The following TICRR variants were observed in gnomAD, a reference collection of about 807,000 sequenced individuals.
TICRR encodes TOPBP1 interacting checkpoint and replication regulator.
In TICRR, 132 loss-of-function variants were observed where a neutral mutation model predicts 178.1. The ratio of observed to expected loss-of-function variants is 0.74; its 90% CI spans 0.64 to 0.86. The LOEUF (loss-of-function observed/expected upper bound fraction) is 0.86, where lower values mean the gene tolerates loss of function less well. Ranked by LOEUF, TICRR falls within the 40% of genes least tolerant of loss-of-function variation. TICRR has a pLI of 0.00. For synonymous variants in TICRR, 991 were observed against 900.7 expected, an observed-to-expected ratio of 1.10 and a Z score of -1.79; for missense variants, 2,587 against 2,334.3, an observed-to-expected ratio of 1.11 and a Z score of -2.23.
chr15:89,600,659 A>C lies in TICRR; in HGVS notation c.2127A>C (p.Lys709Asn), dbSNP rs375906519. The C allele has an allele frequency of 5.7e-6, 9 of 1,587,022 alleles. No homozygotes were observed. The African/African-American group carries it at 1.2e-4, about 21-fold the overall frequency. The part of the protein sequence containing the change: ...SKSLRQNLGK[K>N]LDKEDKVREC... The stretch of plus-strand genomic sequence containing the variant: ...GTCTTCGACAGAATCTAGGAAAAAA[A>C]CTGGATAAGGAAGACAAAGTTAGAG... Residue 709 changes from lysine (K) to asparagine (N), a missense_variant, in exon 9 of 22, where the codon AAA becomes AAC. By Grantham distance (94) the Lys-to-Asn change is moderately conservative. Transcript: ENST00000268138.
rs899265974 is a variant in TICRR at position 89,582,535 on chromosome 15, C to T, written c.655-151C>T. The stretch of plus-strand genomic sequence containing the variant: ...GGGCTGCACAGTAGCTTGATGCTGA[C>T]CATTATTTCTATTTAGCTCAGCAAA... On this transcript the variant is annotated intron_variant, in intron 1 of 21. Transcript: ENST00000268138. 9 of 701,518 alleles carry T rather than the reference C, an allele frequency of 1.3e-5. No homozygotes were observed. The African/African-American group carries it at 1.6e-4, about 13-fold the overall frequency. 43.5% of individuals were successfully genotyped at this position (701,518 alleles called of 1,614,324 possible). A position where few individuals can be genotyped will look rare whatever the true frequency, so the allele number is the denominator to read the frequency against.
chr15:89,577,886 C>T (rs1962653676), intron 1 of TICRR, among the ~76,000 whole-genome samples: 2 of 151,744 alleles, frequency 1.3e-5, no homozygotes, highest in Admixed American at 1.3e-4. Flanking sequence ...GCTAGGATTA[C>T]AGGCATGAGC....
intron 21 of TICRR, 96 bp from the exon 22 acceptor site, chr15:89,626,860 T>G: frequency 7.4e-7 from 1 of 1,359,318 alleles, no homozygotes; most frequent in Non-Finnish European, 1.0e-6. Context: ...TTTCTTAAAG[T>G]CTGTTTTTGT....
chr15:89,577,092 C>T (rs1247723267), intron 1 of TICRR, among the ~76,000 whole-genome samples: 1 of 151,632 alleles, frequency 6.6e-6, no homozygotes, highest in Non-Finnish European at 1.5e-5. Context: ...GACCAGGTTC[C>T]ATGCTGCCCA....
intron 4 of TICRR, chr15:89,591,731 A>C (rs918699658): frequency 4.1e-4 from 67 of 164,890 alleles, no homozygotes; most frequent in African/African-American, 1.5e-3. Context: ...ACTCTGTCTC[A>C]AAAAAATAAA....
chr15:89,604,512 G>C (rs1299634804), intron 13 of TICRR, among the ~76,000 whole-genome samples: 1 of 152,214 alleles, frequency 6.6e-6, no homozygotes, highest in Non-Finnish European at 1.5e-5. Flanking sequence ...AGTGGTTCAT[G>C]CCTATAATGC....
chr15:89,586,487 G>T (rs1041588055), intron 4 of TICRR, among the ~76,000 whole-genome samples: 1 of 152,178 alleles, frequency 6.6e-6, no homozygotes. Context: ...AATGGACAAA[G>T]ATGTCTTCCC....
intron 1 of TICRR, chr15:89,582,413 T>G: frequency 2.6e-6 from 1 of 378,108 alleles, no homozygotes; most frequent in African/African-American, 2.1e-5. Flanking sequence ...GTGATTTGTG[T>G]CACTTCTTTC....
intron 1 of TICRR, among the ~76,000 whole-genome samples, chr15:89,581,396 G>A (rs1962722873): frequency 6.6e-6 from 1 of 152,118 alleles, no homozygotes; most frequent in South Asian, 2.1e-4. Flanking sequence ...CCTAGACATG[G>A]CACATAGAAG....
intron 17 of TICRR, among the ~76,000 whole-genome samples, chr15:89,618,699 G>A (rs1225395753): frequency 2.6e-5 from 4 of 152,194 alleles, no homozygotes; most frequent in Admixed American, 1.3e-4. Context: ...GGTGGTTCAC[G>A]CCTGTAATCC....
In TICRR at chr15:89,625,398, C is replaced by A. The variant is rs201595810; in HGVS notation, c.5088C>A (p.Ala1696=). 13 of 1,613,750 alleles carry A rather than the reference C, an allele frequency of 8.1e-6. No individual in the cohort carries two copies. Among genetic ancestry groups the A allele is most frequent in the African/African-American group, 2.7e-5 (2 of 74,900 alleles). ...PRRKRAVGCG[A]GSSSGRGEVG... ...GGAAGAGGGCGGTGGGCTGTGGCGCCGGCTCCTCTTCCGGGAGGGGCGAGG... is the reference window on the plus strand; with the variant it reads ...GGAAGAGGGCGGTGGGCTGTGGCGCAGGCTCCTCTTCCGGGAGGGGCGAGG... Residue 1696 remains alanine (A), a synonymous_variant, in exon 20 of 22, where the codon GCC becomes GCA. Coordinates refer to ENST00000268138, the MANE Select transcript of TICRR (RefSeq NM_152259.4).
intron 12 of TICRR, among the ~76,000 whole-genome samples, 159 bp downstream of exon 12, chr15:89,602,135 A>T (rs1963109094): frequency 6.6e-6 from 1 of 152,246 alleles, no homozygotes; most frequent in Non-Finnish European, 1.5e-5. Context: ...AGCTCCTAAT[A>T]GGAGCATCTG....
chr15:89,606,591 TATTAC>T (rs2141969182), intron 13 of TICRR, among the ~76,000 whole-genome samples, 172 bp from the exon 14 acceptor site: 1 of 152,358 alleles, frequency 6.6e-6, no homozygotes, highest in Admixed American at 6.5e-5. Flanking sequence ...TATTTTGTGT[TATTAC>T]TATAGTGCAG....
At chr15:89,618,269 C>A (rs1963367623) in intron 17 of TICRR, 59 bp downstream of exon 17, 5 of 1,486,060 alleles carry the variant, frequency 3.4e-6, no homozygotes, top group Non-Finnish European at 3.8e-6. Flanking sequence ...GAAAACCTTT[C>A]TGTATGTATT....
At chr15:89,602,039 T>G (rs909392886) in intron 12 of TICRR, 63 bp downstream of exon 12, 5 of 1,582,204 alleles carry the variant, frequency 3.2e-6, no homozygotes, top group Admixed American at 3.4e-5. Context: ...AAGATGTGTT[T>G]AAACTACAGT....
At position 89,623,757 on chromosome 15, in the gene TICRR, G is replaced by A. The variant is rs1963462463; in HGVS notation, c.3447G>A (p.Lys1149=). ...CCCCTGCAAAAATGACCCCTACAAA[G>A]CAGGCAGCTTTTAAGGAGTCCTTAA... ...QKSPAKMTPT[K]QAAFKESLKD... is the part of the protein sequence containing the mutation. The change falls in exon 20 of 22, where the codon AAG becomes AAA. Residue 1149 remains lysine (K), a synonymous_variant. Coordinates refer to ENST00000268138, the MANE Select transcript of TICRR (RefSeq NM_152259.4). 1 of 1,613,816 alleles carries A rather than the reference G, an allele frequency of 6.2e-7. No individual in the cohort carries two copies. Among genetic ancestry groups the A allele is most frequent in the African/African-American group, 1.3e-5 (1 of 74,828 alleles).
intron 5 of TICRR, among the ~76,000 whole-genome samples, chr15:89,592,869 A>G (rs941582207): frequency 1.3e-5 from 2 of 152,238 alleles, no homozygotes; most frequent in Non-Finnish European, 2.9e-5. Context: ...CTAAAAGACT[A>G]TCTTTTCCCA....
chr15:89,576,815 GTGTGTGTATATA>G lies in TICRR; in HGVS notation c.654+577_654+588del, dbSNP rs1567037940. On this transcript the variant is annotated intron_variant, in intron 1 of 21. Transcript: ENST00000268138. ...AATACCCAGGGGTGTGTGTGTATGT[GTGTGTGTATATA>G]TATATATATATATATATATATATAT... Among the ~76,000 whole-genome samples the G allele has an allele frequency of 4.4e-3, 465 of 106,832 alleles. 4 individuals are homozygous for G. The highest frequency in any genetic ancestry group is 6.3e-3 in the African/African-American group (167 of 26,372). 70.1% of individuals were successfully genotyped at this position (106,832 alleles called of 152,430 possible). A position where few individuals can be genotyped will look rare whatever the true frequency, so the allele number is the denominator to read the frequency against.
At chr15:89,604,321 A>G (rs1261733794) in intron 13 of TICRR, among the ~76,000 whole-genome samples, 1 of 152,248 alleles carries the variant, frequency 6.6e-6, no homozygotes, top group African/African-American at 2.4e-5. Flanking sequence ...CATATCTTAT[A>G]TATCTCACAA....
Sources: allele counts gnomAD v4.1 joint callset (sites outside exome capture counted in the v4.1 genomes callset), GRCh38; gene constraint gnomAD v4.1.1; transcripts MANE v1.5; gene names NCBI Gene and HGNC (gene_info 2026-07-23, HGNC 2026-07-21).